Variants in COX7B2 observed in about 807,000 individuals in gnomAD.
COX7B2 encodes cytochrome c oxidase subunit 7B2.
For synonymous variants in COX7B2, 37 were observed against 32.1 expected, an observed-to-expected ratio of 1.15 and a Z score of -0.51; for missense variants, 109 against 95.9, an observed-to-expected ratio of 1.14 and a Z score of -0.57.
chr4:46,825,039 A>G (rs914908823), intron 2 of COX7B2, among the ~76,000 whole-genome samples: 1 of 152,150 alleles, frequency 6.6e-6, no homozygotes, highest in Non-Finnish European at 1.5e-5. Context: ...AACAAGAGTA[A>G]TCAGGCAAGA....
chr4:46,793,426 C>CTATT (rs1718153486), intron 2 of COX7B2, among the ~76,000 whole-genome samples: 1 of 152,022 alleles, frequency 6.6e-6, no homozygotes, highest in Non-Finnish European at 1.5e-5. Flanking sequence ...TGGATTTAGG[C>CTATT]GGTTTTTTAT....
At chr4:46,827,071 A>T (rs184746074) in intron 2 of COX7B2, among the ~76,000 whole-genome samples, 1 of 152,270 alleles carries the variant, frequency 6.6e-6, no homozygotes, top group Admixed American at 6.5e-5. Flanking sequence ...TGAAGAAAAG[A>T]TTGAAAAACA....
intron 2 of COX7B2, among the ~76,000 whole-genome samples, chr4:46,841,333 C>CTGTG (rs1491098977): frequency 8.9e-6 from 1 of 112,924 alleles, no homozygotes; most frequent in African/African-American, 3.0e-5. Flanking sequence ...ACCAAATGTG[C>CTGTG]TCTGTGTGTG....
At chr4:46,815,319 A>G (rs1301563913) in intron 2 of COX7B2, among the ~76,000 whole-genome samples, 1 of 152,236 alleles carries the variant, frequency 6.6e-6, no homozygotes, top group Non-Finnish European at 1.5e-5. Context: ...TGAAATAAGT[A>G]TGAACAAAAC....
At chr4:46,787,399 A>T (rs1180607922) in intron 2 of COX7B2, among the ~76,000 whole-genome samples, 1 of 152,094 alleles carries the variant, frequency 6.6e-6, no homozygotes, top group Non-Finnish European at 1.5e-5. Flanking sequence ...ATGAGCCGAG[A>T]TCGTGCCATT....
intron 1 of COX7B2, among the ~76,000 whole-genome samples, chr4:46,905,818 T>TTC (rs1422402580): frequency 9.5e-6 from 1 of 105,794 alleles, no homozygotes; most frequent in African/African-American, 3.9e-5. Flanking sequence ...ATATTTCTTT[T>TTC]TTTTTTTTTT....
chr4:46,894,253 G>A lies in COX7B2; in HGVS notation c.-105+14907C>T, dbSNP rs546306433. Among the ~76,000 whole-genome samples the A allele has an allele frequency of 1.7e-3, 266 of 152,088 alleles. 3 individuals are homozygous for A. The highest frequency in any genetic ancestry group is 6.1e-3 in the African/African-American group (254 of 41,490). On this transcript the variant is annotated intron_variant, in intron 1 of 2. Coordinates refer to ENST00000355591, the MANE Select transcript of COX7B2 (RefSeq NM_130902.3). ...AAAGCTGAAAATATTCATGTTACCCGACTTCAATACCCATATTACAGGGCT... is the reference window on the plus strand; with the variant it reads ...AAAGCTGAAAATATTCATGTTACCCAACTTCAATACCCATATTACAGGGCT...
At chr4:46,763,037 A>G (rs910599921) in intron 2 of COX7B2, among the ~76,000 whole-genome samples, 2 of 134,580 alleles carry the variant, frequency 1.5e-5, no homozygotes, top group Non-Finnish European at 3.1e-5. Context: ...AATATAATAT[A>G]TATTATATAT....
intron 2 of COX7B2, among the ~76,000 whole-genome samples, chr4:46,807,605 T>C (rs1181978126): frequency 1.3e-5 from 2 of 151,862 alleles, no homozygotes; most frequent in Non-Finnish European, 3.0e-5. Context: ...CCAGAAGTAG[T>C]TCCCCTACAT....
At chr4:46,837,482 A>T (rs114545666) in intron 2 of COX7B2, among the ~76,000 whole-genome samples, 1 of 152,190 alleles carries the variant, frequency 6.6e-6, no homozygotes, top group Non-Finnish European at 1.5e-5. Flanking sequence ...ATAGTGACTA[A>T]AAGCACATTA....
chr4:46,795,885 G>T (rs1427235871), intron 2 of COX7B2, among the ~76,000 whole-genome samples: 1 of 22,684 alleles, frequency 4.4e-5, no homozygotes, highest in Non-Finnish European at 9.3e-5. Flanking sequence ...TTGAGCAGTG[G>T]TTTGTAGTTC....
intron 2 of COX7B2, among the ~76,000 whole-genome samples, chr4:46,808,151 A>G (rs1719099652): frequency 6.6e-6 from 1 of 151,922 alleles, no homozygotes; most frequent in South Asian, 2.1e-4. Context: ...CTTCTTATCC[A>G]TGATAACAAG....
intron 1 of COX7B2, among the ~76,000 whole-genome samples, chr4:46,847,692 C>T (rs1294854988): frequency 6.6e-6 from 1 of 151,876 alleles, no homozygotes; most frequent in Non-Finnish European, 1.5e-5. Context: ...GCTAAGAAAG[C>T]GCCAATAAAA....
intron 2 of COX7B2, among the ~76,000 whole-genome samples, chr4:46,791,336 T>C (rs1718038036): frequency 1.3e-5 from 2 of 152,120 alleles, no homozygotes; most frequent in Non-Finnish European, 1.5e-5. Context: ...TAAGTAGAAA[T>C]AACATGAGGG....
chr4:46,857,017 T>C (rs752667700), intron 1 of COX7B2, among the ~76,000 whole-genome samples: 1 of 152,184 alleles, frequency 6.6e-6, no homozygotes, highest in Non-Finnish European at 1.5e-5. Flanking sequence ...AGTAATCAGA[T>C]GTAAAAAACT....
intron 1 of COX7B2, among the ~76,000 whole-genome samples, chr4:46,894,891 C>T (rs910071113): frequency 3.3e-5 from 5 of 152,166 alleles, no homozygotes; most frequent in African/African-American, 7.2e-5. Context: ...AGGTGCATAT[C>T]AGTGATCATT....
chr4:46,756,486 A>T (rs1715808525), intron 2 of COX7B2, among the ~76,000 whole-genome samples: 2 of 152,098 alleles, frequency 1.3e-5, no homozygotes, highest in Non-Finnish European at 2.9e-5. Context: ...GTACAGCAAA[A>T]GAAACAAATA....
chr4:46,793,250 TC>T (rs1718142755), intron 2 of COX7B2, among the ~76,000 whole-genome samples: 1 of 151,700 alleles, frequency 6.6e-6, no homozygotes, highest in South Asian at 2.1e-4. Context: ...CAGGCATCTT[TC>T]CAGCCAGAGG....
In COX7B2 at chr4:46,766,253, T is replaced by C. The variant is rs1013468398; in HGVS notation, c.-49-31012A>G. On this transcript the variant is annotated intron_variant, in intron 2 of 2. Coordinates refer to ENST00000355591, the MANE Select transcript of COX7B2 (RefSeq NM_130902.3). The stretch of plus-strand genomic sequence containing the variant: ...TAGTAAAATTCAGAATATTCTTTTA[T>C]TGTAATGGTGGTGTGTAAAACATTT... 2.0e-5 allele frequency among the ~76,000 whole-genome samples: 3 copies of C among 152,368 alleles called. No homozygotes were observed. The East Asian group carries it at 5.8e-4, about 29-fold the overall frequency.
Sources: allele counts gnomAD v4.1 joint callset (sites outside exome capture counted in the v4.1 genomes callset), GRCh38; gene constraint gnomAD v4.1.1; transcripts MANE v1.5; gene names NCBI Gene and HGNC (gene_info 2026-07-23, HGNC 2026-07-21).